ITGBL1: variants seen among roughly 807,000 people sequenced by gnomAD.
The protein encoded by ITGBL1 is integrin beta-like protein 1.
Under a neutral mutation model 68.5 loss-of-function variants are expected in ITGBL1, and 51 were observed. The ratio of observed to expected loss-of-function variants is 0.74; its 90% confidence interval spans 0.59 to 0.94. The LOEUF (loss-of-function observed/expected upper bound fraction) is 0.94. ITGBL1 is among the 40% of genes least tolerant of loss of function. The pLI is 0.00. For missense variants in ITGBL1, 649 were observed against 647.4 expected, an observed-to-expected ratio of 1.00 and a Z score of -0.03; for synonymous variants, 209 against 227.3, an observed-to-expected ratio of 0.92 and a Z score of 0.72.
chr13:101,707,704 T>C (rs924288501), intron 9 of ITGBL1, among the ~76,000 whole-genome samples: 1 of 151,130 alleles, frequency 6.6e-6, no homozygotes, highest in Non-Finnish European at 1.5e-5. Flanking sequence ...CACAAAAAAA[T>C]TAGCCAGGCA....
chr13:101,671,489 A>T (rs1310815137), intron 7 of ITGBL1, among the ~76,000 whole-genome samples: 1 of 116,288 alleles, frequency 8.6e-6, no homozygotes, highest in Non-Finnish European at 1.6e-5. Flanking sequence ...CCCGGGCTGG[A>T]GTGCAGTGGC....
At chr13:101,474,539 C>T (rs1180351649) in intron 2 of ITGBL1, among the ~76,000 whole-genome samples, 1 of 152,100 alleles carries the variant, frequency 6.6e-6, no homozygotes. Context: ...CAGTTTGCAA[C>T]CTGCTGACTG....
At chr13:101,636,852 T>A (rs2032186405) in intron 7 of ITGBL1, among the ~76,000 whole-genome samples, 1 of 152,224 alleles carries the variant, frequency 6.6e-6, no homozygotes. Flanking sequence ...TTTATTTGGA[T>A]GCCAAAGACT....
At chr13:101,464,137 G>C (rs886332692) in intron 2 of ITGBL1, among the ~76,000 whole-genome samples, 2 of 151,978 alleles carry the variant, frequency 1.3e-5, no homozygotes, top group Non-Finnish European at 2.9e-5. Context: ...GACCTCAGGC[G>C]ATCCACCCGC....
At chr13:101,656,493 G>A (rs1251111930) in intron 7 of ITGBL1, among the ~76,000 whole-genome samples, 3 of 152,028 alleles carry the variant, frequency 2.0e-5, no homozygotes, top group South Asian at 4.1e-4. Context: ...CAATATATAG[G>A]GTTAAATAAA....
intron 9 of ITGBL1, among the ~76,000 whole-genome samples, chr13:101,708,060 C>T (rs4000937): frequency 3.5e-5 from 5 of 144,254 alleles, no homozygotes; most frequent in African/African-American, 1.3e-4. Context: ...CACACACACA[C>T]ACACACACAT....
chr13:101,508,916 G>A (rs2139104743), intron 2 of ITGBL1, among the ~76,000 whole-genome samples: 1 of 151,986 alleles, frequency 6.6e-6, no homozygotes, highest in East Asian at 1.9e-4. Context: ...CTTGAAACTG[G>A]CTCCCGTTAG....
At chr13:101,601,105 T>A (rs541750867) in intron 7 of ITGBL1, among the ~76,000 whole-genome samples, 16 of 152,316 alleles carry the variant, frequency 1.1e-4, no homozygotes, top group African/African-American at 3.6e-4. Context: ...ATTGCCTCAA[T>A]TTCAGAGCCT....
intron 7 of ITGBL1, among the ~76,000 whole-genome samples, chr13:101,659,097 G>A (rs1028389731): frequency 1.4e-5 from 2 of 145,356 alleles, no homozygotes; most frequent in African/African-American, 2.6e-5. Flanking sequence ...AGGCTGGAGA[G>A]CTGGAGTGCA....
chr13:101,568,605 T>C (rs2050219232), intron 3 of ITGBL1, among the ~76,000 whole-genome samples: 1 of 152,118 alleles, frequency 6.6e-6, no homozygotes, highest in South Asian at 2.1e-4. Context: ...CTTTGGTGTG[T>C]GGCCTTGACG....
At chr13:101,675,442 A>G (rs1374853896) in intron 7 of ITGBL1, among the ~76,000 whole-genome samples, 3 of 152,160 alleles carry the variant, frequency 2.0e-5, no homozygotes, top group African/African-American at 7.2e-5. Flanking sequence ...ATCCAAGACA[A>G]AGATTTAAGT....
At chr13:101,671,639 C>T (rs4772407) in intron 7 of ITGBL1, among the ~76,000 whole-genome samples, 89,378 of 149,288 alleles carry the variant, frequency 0.6, 27,063 homozygotes, top group East Asian at 0.88. Context: ...GGGGTTTCAC[C>T]GTGTTAGCCA....
chr13:101,622,785 A>G (rs2031632757), intron 7 of ITGBL1, among the ~76,000 whole-genome samples: 1 of 152,148 alleles, frequency 6.6e-6, no homozygotes, highest in Middle Eastern at 3.2e-3. Context: ...CATGAATAGA[A>G]AATCTTTATT....
chr13:101,526,659 A>ATG (rs35919129), intron 2 of ITGBL1, among the ~76,000 whole-genome samples: 39,880 of 149,228 alleles, frequency 0.27, 5,281 homozygotes, highest in Admixed American at 0.29. Context: ...TTGAAGTTAT[A>ATG]TGTGTGTGTG....
In ITGBL1 at chr13:101,575,506, T is replaced by C. The variant is rs752757554; in HGVS notation, c.546T>C (p.Asp182=). 1.8e-5 allele frequency: 29 copies of C among 1,612,722 alleles called. No individual in the cohort carries two copies. Among genetic ancestry groups the C allele is most frequent in the Non-Finnish European group, 2.5e-5 (29 of 1,179,034 alleles). The change falls in exon 4 of 11, where the codon GAT becomes GAC. Residue 182 remains aspartate, a synonymous_variant. Transcript: ENST00000376180. ...LVYGKFCECD[D]RECIDDETEE... is the part of the protein sequence containing the mutation. ...ATGGTAAATTTTGTGAGTGTGACGA[T>C]AGAGAATGCATAGACGATGAAACAG...
At chr13:101,608,933 G>GCC in intron 7 of ITGBL1, among the ~76,000 whole-genome samples, 1 of 152,032 alleles carries the variant, frequency 6.6e-6, no homozygotes, top group Non-Finnish European at 1.5e-5. Context: ...GAATTGGTGA[G>GCC]TTTTTTCAGA....
intron 2 of ITGBL1, among the ~76,000 whole-genome samples, chr13:101,467,751 C>T (rs1338871304): frequency 6.6e-6 from 1 of 152,126 alleles, no homozygotes; most frequent in Non-Finnish European, 1.5e-5. Flanking sequence ...TACCAAGAGC[C>T]CTATCGTTGT....
At position 101,556,370 on chromosome 13, in the gene ITGBL1, C is replaced by T. The variant is rs916152088; in HGVS notation, c.317-11329C>T. ...GAAGAAAAGAAGCTGGGCACGGTGG[C>T]TCATGCCTGTAATCCCAGCACTTTG... On this transcript the variant is annotated intron_variant, in intron 2 of 10. Coordinates refer to ENST00000376180, the MANE Select transcript of ITGBL1 (RefSeq NM_004791.3). Among the ~76,000 whole-genome samples, 7 of 152,200 alleles carry T rather than the reference C, an allele frequency of 4.6e-5. No individual in the cohort carries two copies. The East Asian group carries it at 1.3e-3, about 29-fold the overall frequency.
chr13:101,545,969 C>T (rs538698309), intron 2 of ITGBL1, among the ~76,000 whole-genome samples: 2 of 152,116 alleles, frequency 1.3e-5, no homozygotes, highest in African/African-American at 2.4e-5. Context: ...TTAAAATAAT[C>T]ATACAATGAA....
Sources: allele counts gnomAD v4.1 joint callset (sites outside exome capture counted in the v4.1 genomes callset), GRCh38; gene constraint gnomAD v4.1.1; transcripts MANE v1.5; gene names NCBI Gene and HGNC (gene_info 2026-07-23, HGNC 2026-07-21).